AHNAK: variants seen among roughly 807,000 people sequenced by gnomAD.
The protein encoded by AHNAK is neuroblast differentiation-associated protein AHNAK.
A neutral mutation model predicts 37.8 loss-of-function variants in AHNAK; 23 were observed. The observed-to-expected ratio is 0.61, with a 90% confidence interval of 0.44 to 0.86. The LOEUF (loss-of-function observed/expected upper bound fraction) is 0.86, where lower values mean the gene tolerates loss of function less well. Ranked by LOEUF, AHNAK falls within the 40% of genes least tolerant of loss-of-function variation. The pLI is 0.00. For synonymous variants in AHNAK, 2,481 were observed against 2,636.3 expected (o/e 0.94, Z 1.80); for missense variants, 7,411 against 7,319.4 (o/e 1.01, Z -0.46).
intron 5 of AHNAK, among the ~76,000 whole-genome samples, chr11:62,457,381 G>A (rs1260636693): frequency 6.6e-6 from 1 of 151,836 alleles, no homozygotes; most frequent in Admixed American, 6.6e-5. Flanking sequence ...CCGGGAGGCA[G>A]AGGTTGAAGT....
Position 62,522,081 on chromosome 11 carries a change from C to A in AHNAK, c.12336G>T (p.Leu4112=). Reference sequence around the variant, plus strand: ...CAGGCATTTTAAATTTGGGGCCCTTCAGTTTCCCTTCTGGACCATGAATAT... The same window carrying A: ...CAGGCATTTTAAATTTGGGGCCCTTAAGTTTCCCTTCTGGACCATGAATAT... The part of the protein sequence containing the change: ...DIDIHGPEGK[L]KGPKFKMPDL... The change falls in exon 5 of 5, where the codon CTG becomes CTT. Residue 4112 remains leucine (L), a synonymous_variant. Transcript: ENST00000378024. The A allele has an allele frequency of 6.2e-7, 1 of 1,613,704 alleles. No homozygotes were observed. The highest frequency in any genetic ancestry group is 8.5e-7 in the Non-Finnish European group (1 of 1,179,934).
intron 5 of AHNAK, chr11:62,433,980 A>G: frequency 6.5e-7 from 1 of 1,547,610 alleles, no homozygotes; most frequent in Non-Finnish European, 8.8e-7. Flanking sequence ...CTTTGCACCA[A>G]CTGAAAGAAG....
At chr11:62,446,364 G>A (rs1242117879) in intron 5 of AHNAK, among the ~76,000 whole-genome samples, 3 of 152,070 alleles carry the variant, frequency 2.0e-5, no homozygotes, top group Non-Finnish European at 4.4e-5. Flanking sequence ...GCTCTGTGCT[G>A]TTTGTTAAGT....
At position 62,529,976 on chromosome 11, in the gene AHNAK, T is replaced by G. The variant is rs1288589547; in HGVS notation, c.4441A>C (p.Lys1481Gln). ...CCTTTGATGTCAACATCAGGAGCTT[T>G]TATCTCTCCTTCTACTTTTGGAACT... ...VTVPKVEGEI[K>Q]APDVDIKGPK... The change falls in exon 5 of 5, where the codon AAA becomes CAA. Residue 1481 changes from lysine (K) to glutamine (Q), a missense_variant. Coordinates refer to ENST00000378024, the MANE Select transcript of AHNAK (RefSeq NM_001620.3). 6 of 1,613,596 alleles carry G rather than the reference T, an allele frequency of 3.7e-6. No individual in the cohort carries two copies. The highest frequency in any genetic ancestry group is 5.1e-6 in the Non-Finnish European group (6 of 1,179,904).
At chr11:62,486,838 A>C (rs1382167850) in intron 5 of AHNAK, among the ~76,000 whole-genome samples, 1 of 152,158 alleles carries the variant, frequency 6.6e-6, no homozygotes, top group Non-Finnish European at 1.5e-5. Context: ...AGAGGTTTAT[A>C]AACACAAGCT....
In AHNAK at chr11:62,530,080, A is replaced by G. The variant is rs954612994; in HGVS notation, c.4337T>C (p.Ile1446Thr). Residue 1446 changes from isoleucine to threonine, a missense_variant, in exon 5 of 5, where the codon ATA becomes ACA. Physicochemically the swap from Ile to Thr is moderately conservative, Grantham distance 89. Transcript: ENST00000378024. The stretch of plus-strand genomic sequence containing the variant: ...TGGTATGGATATCTTCTGAGGCTTT[A>G]TACTCATTTCTGGCATCTTGAATTT... ...GPKFKMPEMS[I>T]KPQKISIPDV... 1 of 1,613,992 alleles carries G rather than the reference A, an allele frequency of 6.2e-7. No individual in the cohort carries two copies. Among genetic ancestry groups the G allele is most frequent in the Non-Finnish European group, 8.5e-7 (1 of 1,179,936 alleles).
At chr11:62,456,119 G>A (rs754743054) in intron 5 of AHNAK, among the ~76,000 whole-genome samples, 4 of 152,230 alleles carry the variant, frequency 2.6e-5, no homozygotes, top group South Asian at 2.1e-4. Context: ...ATGTGAGGAC[G>A]CAGGGAAAAG....
At chr11:62,453,535 G>A (rs1475095630) in intron 5 of AHNAK, among the ~76,000 whole-genome samples, 1 of 152,136 alleles carries the variant, frequency 6.6e-6, no homozygotes, top group Non-Finnish European at 1.5e-5. Flanking sequence ...GCAGAACCAG[G>A]ATTCGAACCC....
At chr11:62,544,562 C>CCT (rs1457057690) in intron 1 of AHNAK, among the ~76,000 whole-genome samples, 1 of 152,158 alleles carries the variant, frequency 6.6e-6, no homozygotes, top group African/African-American at 2.4e-5. Context: ...CTCCCTAGCT[C>CCT]CTCTCCCACC....
chr11:62,447,618 C>T (rs1430914752), intron 5 of AHNAK, among the ~76,000 whole-genome samples: 1 of 152,164 alleles, frequency 6.6e-6, no homozygotes, highest in African/African-American at 2.4e-5. Context: ...TGCTGTTACC[C>T]ACAGTGAAAA....
chr11:62,465,974 A>G (rs1351121551), intron 5 of AHNAK, among the ~76,000 whole-genome samples: 1 of 152,224 alleles, frequency 6.6e-6, no homozygotes, highest in Non-Finnish European at 1.5e-5. Flanking sequence ...AAAGCCACTC[A>G]GTTTGTGATA....
Position 62,527,494 on chromosome 11 carries a change from T to C in AHNAK, c.6923A>G (p.Lys2308Arg). Residue 2308 changes from lysine (K) to arginine (R), a missense_variant, in exon 5 of 5, where the codon AAG (lysine) becomes AGG (arginine). Physicochemically the swap from Lys to Arg is conservative, Grantham distance 26. Transcript: ENST00000378024. ...ATCAGGCATGGAGATCTTGGGGGTC[T>C]TGAAGTGCATCTCAGGCATCTTAAA... ...PKFKMPEMHF[K>R]TPKISMPDVD... 1 of 1,614,136 alleles carries C rather than the reference T, an allele frequency of 6.2e-7. No individual in the cohort carries two copies.
intron 4 of AHNAK, among the ~76,000 whole-genome samples, chr11:62,497,551 G>C (rs1160232553): frequency 6.6e-6 from 1 of 152,222 alleles, no homozygotes; most frequent in Non-Finnish European, 1.5e-5. Context: ...CTAAGTAACA[G>C]AAGACATAGC....
chr11:62,529,403 C>G lies in AHNAK; in HGVS notation c.5014G>C (p.Asp1672His). ...CCTTCTACCTTGGGCACAGACACAT[C>G]CATATCCCCTTTGACTTTGGGGCCT... is the stretch of plus-strand genomic sequence containing the variant. Reference protein sequence around the residue: ...LKGPKVKGDMDVSVPKVEGEM... With the variant: ...LKGPKVKGDMHVSVPKVEGEM... Residue 1672 changes from aspartate to histidine, a missense_variant, in exon 5 of 5, where the codon GAT (aspartate) becomes CAT (histidine). By Grantham distance (81) the Asp-to-His change is moderately conservative (BLOSUM62 -1). Coordinates refer to ENST00000378024, the MANE Select transcript of AHNAK (RefSeq NM_001620.3). 1 of 1,614,050 alleles carries G rather than the reference C, an allele frequency of 6.2e-7. No individual in the cohort carries two copies. Among genetic ancestry groups the G allele is most frequent in the Non-Finnish European group, 8.5e-7 (1 of 1,179,998 alleles).
intron 4 of AHNAK, among the ~76,000 whole-genome samples, chr11:62,508,271 C>T (rs554027225): frequency 6.6e-6 from 1 of 152,208 alleles, no homozygotes; most frequent in Non-Finnish European, 1.5e-5. Flanking sequence ...AAAAAAAATT[C>T]TTTTTTTAAT....
rs534826313 is a variant in AHNAK, at chr11:62,533,162, C to T, written c.1255G>A (p.Asp419Asn). ...CTCCCAGGCCCCTGAACATCAATGTCAGGGGCCTGAACTTCCACACTGGGG... is the reference window on the plus strand; with the variant it reads ...CTCCCAGGCCCCTGAACATCAATGTTAGGGGCCTGAACTTCCACACTGGGG... ...TGPSVEVQAP[D>N]IDVQGPGSKL... Residue 419 changes from aspartate to asparagine, a missense_variant, in exon 5 of 5, where the codon GAC (aspartate) becomes AAC (asparagine). By Grantham distance (23) the Asp-to-Asn change is conservative. Coordinates refer to ENST00000378024, the MANE Select transcript of AHNAK (RefSeq NM_001620.3). 54 of 1,537,358 alleles carry T rather than the reference C, an allele frequency of 3.5e-5. No homozygotes were observed. The South Asian group carries it at 6.6e-4, about 19-fold the overall frequency.
chr11:62,509,040 A>G (rs1233564841), intron 4 of AHNAK, among the ~76,000 whole-genome samples: 1 of 152,214 alleles, frequency 6.6e-6, no homozygotes, highest in Non-Finnish European at 1.5e-5. Flanking sequence ...CTACTTAACC[A>G]AGGAATTGAA....
intron 4 of AHNAK, among the ~76,000 whole-genome samples, chr11:62,505,515 A>G (rs1939794615): frequency 2.0e-5 from 3 of 151,936 alleles, no homozygotes; most frequent in African/African-American, 4.8e-5. Context: ...CTTTACTTCG[A>G]TTGTAGGTTT....
downstream of AHNAK, among the ~76,000 whole-genome samples, chr11:62,515,556 A>C (rs189449738): frequency 3.0e-4 from 46 of 152,378 alleles, no homozygotes; most frequent in African/African-American, 1.1e-3. Flanking sequence ...GCGGTGATTC[A>C]CAAGCAGAGC....
Sources: gnomAD v4.1 joint callset for allele counts (sites outside exome capture counted in the v4.1 genomes callset) on GRCh38, gnomAD v4.1.1 for gene constraint, MANE v1.5 for transcripts, NCBI Gene and HGNC (gene_info 2026-07-23, HGNC 2026-07-21) for gene names.